The following PSMA8 variants were observed in gnomAD, a reference collection of about 807,000 sequenced individuals.
PSMA8 encodes proteasome subunit alpha-type 8.
A neutral mutation model predicts 32.4 loss-of-function variants in PSMA8; 18 were observed. That is an observed-to-expected ratio of 0.56 (90% CI 0.38 to 0.82). PSMA8 has a LOEUF of 0.82. PSMA8 is among the 40% of genes least tolerant of loss of function. PSMA8 has a pLI of 0.00. For missense variants in PSMA8, 298 were observed against 300.7 expected (o/e 0.99, Z 0.07); for synonymous variants, 104 against 98.1 (o/e 1.06, Z -0.36).
At chr18:26,152,476 C>T (rs1415414389) in intron 3 of PSMA8, among the ~76,000 whole-genome samples, 1 of 152,084 alleles carries the variant, frequency 6.6e-6, no homozygotes, top group Non-Finnish European at 1.5e-5. Flanking sequence ...AGGCATAAGC[C>T]ACCATGCCCA....
intron 4 of PSMA8, among the ~76,000 whole-genome samples, chr18:26,167,910 G>C (rs2055193314): frequency 1.1e-5 from 1 of 87,752 alleles, no homozygotes; most frequent in Admixed American, 1.2e-4. Flanking sequence ...TCTTATTAAA[G>C]AAATAGATGA....
At chr18:26,176,587 T>G (rs2055265507) in intron 4 of PSMA8, among the ~76,000 whole-genome samples, 1 of 152,220 alleles carries the variant, frequency 6.6e-6, no homozygotes. Flanking sequence ...ATGGTGTGTT[T>G]TCATGTTTAT....
At chr18:26,138,480 C>G (rs181751742) in intron 1 of PSMA8, among the ~76,000 whole-genome samples, 7 of 152,292 alleles carry the variant, frequency 4.6e-5, no homozygotes, top group Non-Finnish European at 7.3e-5. Flanking sequence ...ATTAAAGTCC[C>G]TAGATCCTTT....
chr18:26,191,993 A>G (rs1387296400), intron 6 of PSMA8, among the ~76,000 whole-genome samples: 1 of 152,238 alleles, frequency 6.6e-6, no homozygotes, highest in Non-Finnish European at 1.5e-5. Flanking sequence ...GAGTTAAATA[A>G]TGAGTCTTTG....
At chr18:26,134,791 C>T (rs186542197) in intron 1 of PSMA8, among the ~76,000 whole-genome samples, 321 of 152,168 alleles carry the variant, frequency 2.1e-3, no homozygotes, top group African/African-American at 7.6e-3. Flanking sequence ...TCCGTCTCTA[C>T]TAAAAATACA....
Position 26,171,260 on chromosome 18 carries a change from G to A in PSMA8, c.478-7570G>A, listed in dbSNP as rs1413567213. 5.2e-6 allele frequency: 8 copies of A among 1,528,548 alleles called. 1 individual carries two copies. The highest frequency in any genetic ancestry group is 3.4e-4 in the Middle Eastern group (2 of 5,852). The allele number at this position is 1,528,548 out of a possible 1,614,324, so 94.7% of individuals were successfully genotyped here. A position where few individuals can be genotyped will look rare whatever the true frequency, so the allele number is the denominator to read the frequency against. On this transcript the variant is annotated intron_variant, in intron 4 of 6. Coordinates refer to ENST00000415576, the MANE Select transcript of PSMA8 (RefSeq NM_001025096.2). ...CGATGCCCATGTTCTGGGACACAGC[G>A]ACGATGCAGTTTAGCGAACCAACCA...
intron 6 of PSMA8, among the ~76,000 whole-genome samples, chr18:26,187,495 G>A (rs1373604208): frequency 6.6e-6 from 1 of 151,158 alleles, no homozygotes; most frequent in African/African-American, 2.4e-5. Flanking sequence ...ATGACTGAAT[G>A]GATTTAAAAA....
intron 4 of PSMA8, among the ~76,000 whole-genome samples, chr18:26,166,717 T>A (rs965461178): frequency 1.3e-5 from 2 of 152,164 alleles, no homozygotes; most frequent in African/African-American, 4.8e-5. Context: ...CCATGGTTAT[T>A]AGGACTTGGA....
intron 1 of PSMA8, 56 bp from the exon 2 acceptor site, chr18:26,144,503 T>C (rs2054985183): frequency 7.0e-7 from 1 of 1,433,360 alleles, no homozygotes; most frequent in Non-Finnish European, 9.8e-7. Flanking sequence ...TAGAATAACT[T>C]GGTTTTATAT....
intron 4 of PSMA8, among the ~76,000 whole-genome samples, chr18:26,168,510 T>A (rs2055197898): frequency 1.6e-5 from 2 of 121,648 alleles, no homozygotes; most frequent in Non-Finnish European, 3.1e-5. Context: ...TTTTTTTTTT[T>A]ACTTTTGCTT....
chr18:26,148,579 TGA>T (rs2055021809), intron 2 of PSMA8, among the ~76,000 whole-genome samples: 1 of 152,124 alleles, frequency 6.6e-6, no homozygotes, highest in Non-Finnish European at 1.5e-5. Context: ...GGTGAAAGAT[TGA>T]AAGCTTTCCC....
intron 6 of PSMA8, among the ~76,000 whole-genome samples, chr18:26,192,047 T>C (rs942424407): frequency 1.3e-5 from 2 of 152,222 alleles, no homozygotes; most frequent in Non-Finnish European, 2.9e-5. Flanking sequence ...TTTTTGGAGT[T>C]ATATGCACAT....
intron 1 of PSMA8, among the ~76,000 whole-genome samples, chr18:26,134,881 G>A (rs1404880009): frequency 6.6e-6 from 1 of 152,022 alleles, no homozygotes; most frequent in Non-Finnish European, 1.5e-5. Context: ...TTGAACCTGG[G>A]AGGCAGAGGT....
At chr18:26,151,836 G>C (rs1433381341) in intron 2 of PSMA8, 22 bp from the exon 3 acceptor site, 1 of 1,570,576 alleles carries the variant, frequency 6.4e-7, no homozygotes, top group Non-Finnish European at 8.6e-7. Context: ...TGGTTTTTGT[G>C]AAGTTTTGAC....
At chr18:26,163,250 T>TATATATATATA (rs1555662102) in intron 4 of PSMA8, among the ~76,000 whole-genome samples, 37 of 94,542 alleles carry the variant, frequency 3.9e-4, no homozygotes, top group African/African-American at 1.4e-3. Context: ...TATATATATA[T>TATATATATATA]ATATATATAT....
At chr18:26,160,933 G>A (rs1483557843) in intron 4 of PSMA8, among the ~76,000 whole-genome samples, 1 of 152,138 alleles carries the variant, frequency 6.6e-6, no homozygotes, top group African/African-American at 2.4e-5. Flanking sequence ...TCATTTTACA[G>A]GGGAATGCTA....
intron 4 of PSMA8, among the ~76,000 whole-genome samples, chr18:26,164,649 G>A (rs1334603424): frequency 6.6e-6 from 1 of 152,094 alleles, no homozygotes; most frequent in African/African-American, 2.4e-5. Flanking sequence ...CAAAATAAAG[G>A]CATGGAAACT....
chr18:26,142,229 T>C (rs1250120541), intron 1 of PSMA8, among the ~76,000 whole-genome samples: 2 of 151,776 alleles, frequency 1.3e-5, no homozygotes, highest in East Asian at 3.9e-4. Context: ...TTAGTAGAGA[T>C]GGGGTTTCAC....
At chr18:26,171,090 C>G in intron 4 of PSMA8, 1 of 1,559,294 alleles carries the variant, frequency 6.4e-7, no homozygotes, top group Non-Finnish European at 8.5e-7. Context: ...CTTTAAAGGT[C>G]GATTCTTCTC....
Sources: allele counts gnomAD v4.1 joint callset (sites outside exome capture counted in the v4.1 genomes callset), GRCh38; gene constraint gnomAD v4.1.1; transcripts MANE v1.5; gene names NCBI Gene and HGNC (gene_info 2026-07-23, HGNC 2026-07-21).